COG5: variants seen among roughly 807,000 people sequenced by gnomAD.
COG5 encodes component of oligomeric golgi complex 5.
In COG5, 86 loss-of-function variants were observed where a neutral mutation model predicts 110.4. That is an observed-to-expected ratio of 0.78 (90% confidence interval 0.65 to 0.93). The LOEUF is 0.93. Among genes scored for constraint, COG5 ranks in the 40% least tolerant of loss-of-function variants. COG5 has a pLI of 0.00. For missense variants in COG5, 1,077 were observed against 987.0 expected (o/e 1.09, Z -1.22); for synonymous variants, 360 against 334.6 (o/e 1.08, Z -0.83).
chr7:107,451,641 T>A (rs985537537), intron 6 of COG5, among the ~76,000 whole-genome samples: 1 of 152,156 alleles, frequency 6.6e-6, no homozygotes, highest in Non-Finnish European at 1.5e-5. Flanking sequence ...TTCTTCTTCC[T>A]CCTACTCCTC....
At chr7:107,305,980 C>T (rs1395732644) in intron 11 of COG5, among the ~76,000 whole-genome samples, 1 of 152,080 alleles carries the variant, frequency 6.6e-6, no homozygotes, top group Non-Finnish European at 1.5e-5. Context: ...TACCAGTAGA[C>T]AGATGTACTG....
intron 2 of COG5, among the ~76,000 whole-genome samples, chr7:107,556,160 G>A (rs1375766429): frequency 1.3e-5 from 2 of 152,172 alleles, no homozygotes; most frequent in Non-Finnish European, 2.9e-5. Flanking sequence ...CAGAATTTTA[G>A]CACTGGCATG....
intron 18 of COG5, among the ~76,000 whole-genome samples, chr7:107,234,657 G>C (rs901143019): frequency 4.6e-5 from 7 of 152,096 alleles, no homozygotes; most frequent in Non-Finnish European, 1.0e-4. Context: ...ACCAGCTGGA[G>C]CAGAATGCAA....
At chr7:107,393,695 A>G (rs1442334399) in intron 7 of COG5, among the ~76,000 whole-genome samples, 1 of 152,196 alleles carries the variant, frequency 6.6e-6, no homozygotes, top group African/African-American at 2.4e-5. Context: ...TGCAGCTGAG[A>G]TATGTTCTCT....
chr7:107,494,370 C>A (rs1464128768), intron 6 of COG5, among the ~76,000 whole-genome samples: 1 of 152,134 alleles, frequency 6.6e-6, no homozygotes, highest in East Asian at 1.9e-4. Context: ...TAGTCATGTG[C>A]CACATAATGA....
At chr7:107,298,031 T>C (rs1472560154) in intron 12 of COG5, 111 bp downstream of exon 12, 3 of 453,402 alleles carry the variant, frequency 6.6e-6, no homozygotes, top group Non-Finnish European at 1.1e-5. Context: ...TACAAATATT[T>C]AGAGACTTGG....
At chr7:107,455,941 GCAC>G (rs919040727) in intron 6 of COG5, among the ~76,000 whole-genome samples, 2 of 151,768 alleles carry the variant, frequency 1.3e-5, no homozygotes, top group African/African-American at 4.8e-5. Flanking sequence ...CTACAGACAC[GCAC>G]CACCACACCT....
chr7:107,209,077 G>GTT (rs1798975440), intron 21 of COG5: 1 of 985,140 alleles, frequency 1.0e-6, no homozygotes, highest in Non-Finnish European at 1.2e-6. Flanking sequence ...TGCACATGTG[G>GTT]TTTAGAACCA....
chr7:107,304,675 A>T (rs2116954203), intron 11 of COG5, among the ~76,000 whole-genome samples: 1 of 152,282 alleles, frequency 6.6e-6, no homozygotes, highest in East Asian at 1.9e-4. Flanking sequence ...AGCTGTGCCT[A>T]AACCTCAGCC....
At chr7:107,278,903 A>C (rs1804925044) in intron 14 of COG5, among the ~76,000 whole-genome samples, 1 of 151,984 alleles carries the variant, frequency 6.6e-6, no homozygotes, top group Non-Finnish European at 1.5e-5. Flanking sequence ...TAAAACACCA[A>C]AAGCAATGGC....
At chr7:107,261,116 T>C (rs772527189) in intron 14 of COG5, among the ~76,000 whole-genome samples, 3 of 152,134 alleles carry the variant, frequency 2.0e-5, no homozygotes, top group Admixed American at 6.5e-5. Flanking sequence ...TCTCTACATA[T>C]GCAGGTTTTA....
chr7:107,556,773 C>CT (rs776813038), intron 2 of COG5, among the ~76,000 whole-genome samples: 1,648 of 144,722 alleles, frequency 0.011, 17 homozygotes, highest in African/African-American at 0.028. Context: ...TGTTTTCTTT[C>CT]TTTTTTTTTT....
chr7:107,512,144 A>T (rs1799565260), intron 6 of COG5, among the ~76,000 whole-genome samples: 1 of 152,064 alleles, frequency 6.6e-6, no homozygotes, highest in Admixed American at 6.6e-5. Flanking sequence ...TATCTAGAAA[A>T]CCCCACTGTC....
chr7:107,341,667 T>C (rs1253973478), intron 10 of COG5, among the ~76,000 whole-genome samples: 1 of 152,028 alleles, frequency 6.6e-6, no homozygotes, highest in Admixed American at 6.6e-5. Context: ...ATGGTACTGG[T>C]ACAAAAACAT....
intron 7 of COG5, among the ~76,000 whole-genome samples, chr7:107,387,153 T>C (rs1790271007): frequency 6.6e-6 from 1 of 152,128 alleles, no homozygotes; most frequent in Non-Finnish European, 1.5e-5. Flanking sequence ...GATAAAGCAT[T>C]AGAGGCCAGA....
intron 5 of COG5, among the ~76,000 whole-genome samples, chr7:107,546,581 G>A (rs115486342): frequency 0.015 from 2,247 of 151,504 alleles, 58 homozygotes; most frequent in African/African-American, 0.052. Context: ...GACTACAGGC[G>A]TGTCACCATG....
chr7:107,351,924 G>C (rs112140830), intron 10 of COG5, among the ~76,000 whole-genome samples: 12,358 of 131,302 alleles, frequency 0.094, 737 homozygotes, highest in Non-Finnish European at 0.12. Flanking sequence ...GGATCTAGAA[G>C]TAGAAATACC....
chr7:107,554,575 G>A (rs1210155866), intron 2 of COG5, among the ~76,000 whole-genome samples: 2 of 152,130 alleles, frequency 1.3e-5, no homozygotes, highest in Admixed American at 6.5e-5. Context: ...CCCTGTCTTA[G>A]TCTGTTTGGA....
intron 8 of COG5, among the ~76,000 whole-genome samples, chr7:107,364,414 G>A (rs1813416255): frequency 6.6e-6 from 1 of 152,076 alleles, no homozygotes; most frequent in Non-Finnish European, 1.5e-5. Flanking sequence ...ACATTTTGGG[G>A]AACAATAAAA....
Sources: gnomAD v4.1 joint callset for allele counts (sites outside exome capture counted in the v4.1 genomes callset) on GRCh38, gnomAD v4.1.1 for gene constraint, MANE v1.5 for transcripts, NCBI Gene and HGNC (gene_info 2026-07-23, HGNC 2026-07-21) for gene names.